Variants in TSHR observed in about 807,000 individuals in gnomAD.
TSHR encodes the protein thyrotropin receptor.
In TSHR, 51 loss-of-function variants were observed where a neutral mutation model predicts 64.1. The observed-to-expected ratio is 0.80, with a 90% CI of 0.64 to 1.01. TSHR has a LOEUF of 1.01. TSHR is among the 50% of genes least tolerant of loss of function. The pLI, the probability that TSHR is intolerant of heterozygous loss-of-function variation, is 0.00. For synonymous variants in TSHR, 361 were observed against 361.9 expected, an observed-to-expected ratio of 1.00 and a Z score of 0.03; for missense variants, 877 against 942.8, an observed-to-expected ratio of 0.93 and a Z score of 0.91.
At chr14:81,073,980 A>C (rs1015439934) in intron 3 of TSHR, among the ~76,000 whole-genome samples, 3 of 152,126 alleles carry the variant, frequency 2.0e-5, no homozygotes, top group African/African-American at 7.2e-5. Context: ...GAAGTCCTAT[A>C]TAAACCCCAT....
intron 8 of TSHR, among the ~76,000 whole-genome samples, chr14:81,119,594 G>C (rs1445261188): frequency 2.5e-5 from 3 of 121,064 alleles, no homozygotes; most frequent in Non-Finnish European, 5.0e-5. Context: ...CTGTAAACTA[G>C]TTCAACCATT....
intron 8 of TSHR, among the ~76,000 whole-genome samples, chr14:81,119,013 A>G (rs1890661865): frequency 1.4e-5 from 2 of 139,462 alleles, no homozygotes; most frequent in South Asian, 5.1e-4. Flanking sequence ...CTTACACCTT[A>G]TACAAAAATC....
At chr14:81,059,767 C>T (rs1356171994) in intron 1 of TSHR, among the ~76,000 whole-genome samples, 1 of 151,972 alleles carries the variant, frequency 6.6e-6, no homozygotes, top group Non-Finnish European at 1.5e-5. Flanking sequence ...AAAAATCTGG[C>T]TGGGAAAAAT....
chr14:81,047,550 GGCAT>G (rs1243364211), intron 1 of TSHR, among the ~76,000 whole-genome samples: 1 of 152,106 alleles, frequency 6.6e-6, no homozygotes, highest in Non-Finnish European at 1.5e-5. Context: ...ACTGCCAAAA[GGCAT>G]GTGAAAACCA....
At chr14:81,070,433 C>T (rs1420002183) in intron 3 of TSHR, among the ~76,000 whole-genome samples, 1 of 151,766 alleles carries the variant, frequency 6.6e-6, no homozygotes, top group African/African-American at 2.4e-5. Context: ...TTGAGACCAT[C>T]CAGGCCAACA....
At chr14:81,046,465 C>T (rs1885170814) in intron 1 of TSHR, among the ~76,000 whole-genome samples, 1 of 149,866 alleles carries the variant, frequency 6.7e-6, no homozygotes, top group South Asian at 2.1e-4. Flanking sequence ...AAAGACTTAA[C>T]AATAGAAACT....
intron 8 of TSHR, among the ~76,000 whole-genome samples, chr14:81,128,119 T>C (rs1302818306): frequency 6.6e-6 from 1 of 152,352 alleles, no homozygotes; most frequent in East Asian, 1.9e-4. Flanking sequence ...GCAATTTTAT[T>C]TGTACACATA....
intron 1 of TSHR, among the ~76,000 whole-genome samples, chr14:81,041,989 G>A (rs533942592): frequency 6.6e-6 from 1 of 152,122 alleles, no homozygotes; most frequent in East Asian, 1.9e-4. Flanking sequence ...ATTTTAAAAT[G>A]GGCAAAAGAC....
intron 8 of TSHR, among the ~76,000 whole-genome samples, chr14:81,121,745 C>T (rs1174225790): frequency 2.6e-5 from 4 of 151,952 alleles, no homozygotes; most frequent in African/African-American, 9.7e-5. Context: ...AGTTTGAGGT[C>T]GGCTTAGCCA....
rs1032955661 is a variant in TSHR at position 81,034,222 on chromosome 14, C to T, written c.171-27926C>T. On this transcript the variant is annotated intron_variant, in intron 1 of 9. Transcript: ENST00000298171. Reference sequence around the variant, plus strand: ...TCCACCCTCTCTTTATCTTCAGAAACAATTTCAGAGTTGACATCATGTTAC... The same window carrying T: ...TCCACCCTCTCTTTATCTTCAGAAATAATTTCAGAGTTGACATCATGTTAC... Among the ~76,000 whole-genome samples, 88 of 152,200 alleles carry T rather than the reference C, an allele frequency of 5.8e-4. 1 individual carries two copies. The highest frequency in any genetic ancestry group is 8.8e-5 in the Non-Finnish European group (6 of 68,040).
At chr14:81,118,655 T>C (rs1277170640) in intron 8 of TSHR, among the ~76,000 whole-genome samples, 3 of 152,158 alleles carry the variant, frequency 2.0e-5, no homozygotes, top group Non-Finnish European at 4.4e-5. Context: ...ATGACTTTCG[T>C]CACAGAATTG....
intron 8 of TSHR, among the ~76,000 whole-genome samples, chr14:81,134,597 G>A (rs1366790507): frequency 6.6e-6 from 1 of 152,148 alleles, no homozygotes; most frequent in Non-Finnish European, 1.5e-5. Context: ...CAGCTCTCAT[G>A]AAGCTAAAAT....
At chr14:81,067,569 A>G (rs1886724543) in intron 2 of TSHR, among the ~76,000 whole-genome samples, 1 of 148,480 alleles carries the variant, frequency 6.7e-6, no homozygotes, top group African/African-American at 2.5e-5. Context: ...GGCAGGTTCA[A>G]TTCAAACTAT....
chr14:81,003,973 T>G (rs553536923), intron 1 of TSHR, among the ~76,000 whole-genome samples: 1 of 152,332 alleles, frequency 6.6e-6, no homozygotes, highest in South Asian at 2.1e-4. Flanking sequence ...AACTATCATG[T>G]AGACCAGTGG....
intron 7 of TSHR, 145 bp from the exon 8 acceptor site, chr14:81,108,230 G>T (rs903922746): frequency 1.9e-5 from 14 of 723,692 alleles, no homozygotes; most frequent in Non-Finnish European, 3.1e-5. Flanking sequence ...AAGTGCTCAA[G>T]CCAGAAGAAG....
At chr14:81,041,818 T>A (rs1189288958) in intron 1 of TSHR, among the ~76,000 whole-genome samples, 1 of 152,158 alleles carries the variant, frequency 6.6e-6, no homozygotes, top group Non-Finnish European at 1.5e-5. Context: ...CAGTTTTCAG[T>A]ACAGTAATAT....
At position 80,955,830 on chromosome 14, in the gene TSHR, A is replaced by G; in HGVS notation, c.150A>G (p.Leu50=). 6.2e-7 allele frequency: 1 copy of G among 1,614,186 alleles called. No homozygotes were observed. The highest frequency in any genetic ancestry group is 1.3e-5 in the African/African-American group (1 of 75,062). ...AGGATATTCAACGCATCCCCAGCTT[A>G]CCGCCCAGTACGCAGACTCTGTGAG... ...TCKDIQRIPS[L]PPSTQTLKLI... The change falls in exon 1 of 10, where the codon TTA becomes TTG. Residue 50 remains leucine (L), a synonymous_variant. Transcript: ENST00000298171.
In TSHR at chr14:81,048,824, G is replaced by A. The variant is rs577848505; in HGVS notation, c.171-13324G>A. On this transcript the variant is annotated intron_variant, in intron 1 of 9. Transcript: ENST00000298171. ...TTTGATTGAATCTACCACCATGATT[G>A]CCCTCACTCTCTGATTCACCGAAAA... 2.0e-5 allele frequency among the ~76,000 whole-genome samples: 3 copies of A among 152,158 alleles called. No individual in the cohort carries two copies. The South Asian group carries it at 6.2e-4, about 32-fold the overall frequency.
At chr14:81,121,019 AAACATG>A (rs1315396660) in intron 8 of TSHR, among the ~76,000 whole-genome samples, 3 of 152,140 alleles carry the variant, frequency 2.0e-5, no homozygotes, top group Admixed American at 2.0e-4. Context: ...AGGAAAGAAA[AAACATG>A]AACATTAGAA....
Sources: gnomAD v4.1 joint callset for allele counts (sites outside exome capture counted in the v4.1 genomes callset) on GRCh38, gnomAD v4.1.1 for gene constraint, MANE v1.5 for transcripts, NCBI Gene and HGNC (gene_info 2026-07-23, HGNC 2026-07-21) for gene names.